PKN2: variants seen among roughly 807,000 people sequenced by gnomAD.
PKN2 encodes the protein serine/threonine-protein kinase N2.
In PKN2, 38 loss-of-function variants were observed where a neutral mutation model predicts 119.1. The ratio of observed to expected loss-of-function variants is 0.32; its 90% CI spans 0.25 to 0.42. The LOEUF (loss-of-function observed/expected upper bound fraction) is 0.42, where lower values mean the gene tolerates loss of function less well. PKN2 is among the 10% of genes least tolerant of loss of function. The pLI is 1.00. For synonymous variants in PKN2, 390 were observed against 384.9 expected, an observed-to-expected ratio of 1.01 and a Z score of -0.15; for missense variants, 850 against 1,165.1, an observed-to-expected ratio of 0.73 and a Z score of 3.94.
At chr1:88,736,377 T>C (rs1484717173) in intron 1 of PKN2, among the ~76,000 whole-genome samples, 1 of 152,120 alleles carries the variant, frequency 6.6e-6, no homozygotes, top group East Asian at 1.9e-4. Context: ...TTTTTTTTTT[T>C]GAGACAGAGT....
At chr1:88,765,701 G>A (rs1170476511) in intron 3 of PKN2, among the ~76,000 whole-genome samples, 1 of 152,126 alleles carries the variant, frequency 6.6e-6, no homozygotes. Context: ...CACTTAACAT[G>A]AGAAATTCTC....
chr1:88,771,743 C>T lies in PKN2; in HGVS notation c.849C>T (p.Pro283=), dbSNP rs1669901866. 6.2e-7 allele frequency: 1 copy of T among 1,613,840 alleles called. No individual in the cohort carries two copies. The highest frequency in any genetic ancestry group is 1.3e-5 in the African/African-American group (1 of 75,022). ...YSLEQRLNEV[P]KNHPKSRIII... is the part of the protein sequence containing the mutation. The stretch of plus-strand genomic sequence containing the variant: ...TAGAGCAAAGATTAAACGAAGTCCC[C>T]AAGAATCATCCCAAAAGCAGGATTA... The change falls in exon 6 of 22, where the codon CCC becomes CCT. Residue 283 remains proline, a synonymous_variant. Transcript: ENST00000370521.
At chr1:88,689,836 T>C (rs572426836) in intron 1 of PKN2, among the ~76,000 whole-genome samples, 1 of 152,214 alleles carries the variant, frequency 6.6e-6, no homozygotes, top group East Asian at 1.9e-4. Flanking sequence ...AGTATGGATT[T>C]AGTAATAGAC....
At chr1:88,782,362 A>G (rs1448400937) in intron 6 of PKN2, among the ~76,000 whole-genome samples, 2 of 151,272 alleles carry the variant, frequency 1.3e-5, no homozygotes, top group African/African-American at 2.4e-5. Flanking sequence ...CTTTTCATCA[A>G]ATGTGGAGAA....
At position 88,834,241 on chromosome 1, in the gene PKN2, A is replaced by G. The variant is rs1672851665; in HGVS notation, c.*793A>G. On this transcript the variant is annotated 3_prime_UTR_variant, in exon 22 of 22. Transcript: ENST00000370521. ...TTACCTGTATGCATTCCCAAAGTCT[A>G]GATGCTCAGTATGTTCAGTCATATC... 6.6e-6 allele frequency: 1 copy of G among 152,098 alleles called. No homozygotes were observed. Among genetic ancestry groups the G allele is most frequent in the African/African-American group, 2.4e-5 (1 of 41,410 alleles). 9.4% of individuals were successfully genotyped at this position (152,098 alleles called of 1,614,324 possible).
At position 88,807,397 on chromosome 1, in the gene PKN2, C is replaced by T; in HGVS notation, c.1888C>T (p.Gln630Ter). 6.2e-7 allele frequency: 1 copy of T among 1,607,454 alleles called. No individual in the cohort carries two copies. Among genetic ancestry groups the T allele is most frequent in the Non-Finnish European group, 8.5e-7 (1 of 1,174,992 alleles). Residue 630 changes from glutamine to a stop codon, truncating the protein, a stop_gained, in exon 13 of 22, where the codon CAG becomes TAG. Coordinates refer to ENST00000370521, the MANE Select transcript of PKN2 (RefSeq NM_006256.4). LOFTEE classifies it high-confidence loss of function. ...SQSEYKPDTPQSGLEYSGIQE... is the reference protein window; with the variant it reads ...SQSEYKPDTP ...ATCTGAATACAAGCCTGATACTCCT[C>T]AGTCAGGCCTAGAATATAGTGGTAT...
At chr1:88,770,235 C>G in intron 3 of PKN2, 117 bp from the exon 4 acceptor site, 1 of 599,900 alleles carries the variant, frequency 1.7e-6, no homozygotes, top group Non-Finnish European at 3.0e-6. Flanking sequence ...GCGCCAACAG[C>G]ATTCTTTTAA....
At chr1:88,797,372 A>G (rs112015775) in intron 8 of PKN2, among the ~76,000 whole-genome samples, 10,053 of 151,510 alleles carry the variant, frequency 0.066, 674 homozygotes, top group African/African-American at 0.18. Context: ...TTCCAGGTGC[A>G]GTGGCTCATG....
intron 8 of PKN2, among the ~76,000 whole-genome samples, chr1:88,791,378 A>C (rs1342940768): frequency 6.6e-6 from 1 of 151,438 alleles, no homozygotes; most frequent in Admixed American, 6.6e-5. Context: ...CAGAGGTTGC[A>C]GTGAGCTGAG....
chr1:88,772,594 GTTC>G (rs1669940563), intron 6 of PKN2, among the ~76,000 whole-genome samples: 1 of 152,126 alleles, frequency 6.6e-6, no homozygotes, highest in South Asian at 2.1e-4. Context: ...GAGCATATGA[GTTC>G]TTTTTACCTT....
chr1:88,733,276 T>G (rs747318662), intron 1 of PKN2, among the ~76,000 whole-genome samples: 1 of 152,218 alleles, frequency 6.6e-6, no homozygotes, highest in African/African-American at 2.4e-5. Flanking sequence ...CATGCTGTTT[T>G]CCATAATGGC....
At chr1:88,807,904 A>G (rs1557626172) in intron 15 of PKN2, 129 bp downstream of exon 15, 3 of 579,690 alleles carry the variant, frequency 5.2e-6, no homozygotes, top group South Asian at 2.8e-5. Flanking sequence ...TAATGTATCT[A>G]TATTTGACAT....
At chr1:88,818,631 G>C (rs922531067) in intron 16 of PKN2, among the ~76,000 whole-genome samples, 21 of 146,712 alleles carry the variant, frequency 1.4e-4, no homozygotes, top group African/African-American at 4.8e-4. Flanking sequence ...CTGGGCAACA[G>C]AGTGAGACTC....
chr1:88,791,704 A>G (rs146855127), intron 8 of PKN2, among the ~76,000 whole-genome samples: 53 of 152,290 alleles, frequency 3.5e-4, no homozygotes, highest in Admixed American at 1.1e-3. Context: ...GGAATGGGCT[A>G]TGTTCCTCAT....
intron 1 of PKN2, among the ~76,000 whole-genome samples, chr1:88,721,132 A>G (rs1667662472): frequency 6.6e-6 from 1 of 152,026 alleles, no homozygotes; most frequent in Non-Finnish European, 1.5e-5. Flanking sequence ...TCGTCTGGGT[A>G]GATACCCAGT....
In PKN2 at chr1:88,697,488, TGTTTAA is replaced by T. The variant is rs1666588060; in HGVS notation, c.48+12863_48+12868del. The stretch of plus-strand genomic sequence containing the variant: ...TTGAGTTCATTCATTACTTTGCCAT[TGTTTAA>T]GTGTGGGCCTTCATTATCATTTGGA... On this transcript the variant is annotated intron_variant, in intron 1 of 21. Transcript: ENST00000370521. Among the ~76,000 whole-genome samples the T allele has an allele frequency of 2.0e-5, 3 of 152,196 alleles. No homozygotes were observed. The South Asian group carries it at 6.2e-4, about 31-fold the overall frequency.
chr1:88,702,757 T>C (rs1666822331), intron 1 of PKN2, among the ~76,000 whole-genome samples: 1 of 152,190 alleles, frequency 6.6e-6, no homozygotes, highest in Admixed American at 6.5e-5. Context: ...ACTGCACAGG[T>C]TTCATGAGAT....
chr1:88,826,960 A>G (rs1188600120), intron 18 of PKN2, among the ~76,000 whole-genome samples: 1 of 152,150 alleles, frequency 6.6e-6, no homozygotes, highest in Non-Finnish European at 1.5e-5. Flanking sequence ...ATAGTGTTAA[A>G]GAAATTTTGC....
rs1300087637 is a variant in PKN2, at chr1:88,684,355, G to C, written c.-226G>C. On this transcript the variant is annotated 5_prime_UTR_variant, in exon 1 of 22. Transcript: ENST00000370521. ...AGCGACTAGACGAACAGTCCGGTGAGGGCGGCGAGAGGAAGCCCGCTACGA... is the reference window on the plus strand; with the variant it reads ...AGCGACTAGACGAACAGTCCGGTGACGGCGGCGAGAGGAAGCCCGCTACGA... 1.3e-5 allele frequency: 6 copies of C among 478,504 alleles called. No homozygotes were observed. Among genetic ancestry groups the C allele is most frequent in the Admixed American group, 1.2e-4 (3 of 24,248 alleles). The allele number at this position is 478,504 out of a possible 1,614,324, so 29.6% of individuals were successfully genotyped here.
Sources: gnomAD v4.1 joint callset for allele counts (sites outside exome capture counted in the v4.1 genomes callset) on GRCh38, gnomAD v4.1.1 for gene constraint, MANE v1.5 for transcripts, NCBI Gene and HGNC (gene_info 2026-07-23, HGNC 2026-07-21) for gene names.